Variants in TOX3 observed in about 807,000 individuals in gnomAD.
TOX3 encodes TOX high mobility group box family member 3, also known as CAG trinucleotide repeat-containing gene F9 protein.
Under a neutral mutation model 64.3 loss-of-function variants are expected in TOX3, and 22 were observed. The ratio of observed to expected loss-of-function variants is 0.34; its 90% CI spans 0.24 to 0.49. TOX3 has a LOEUF of 0.49. Ranked by LOEUF, TOX3 falls within the 20% of genes least tolerant of loss-of-function variation. The pLI is 0.99. For synonymous variants in TOX3, 291 were observed against 273.6 expected, an observed-to-expected ratio of 1.06 and a Z score of -0.63; for missense variants, 661 against 714.4, an observed-to-expected ratio of 0.93 and a Z score of 0.85.
At chr16:52,519,555 G>T in intron 1 of TOX3, 1 of 1,499,086 alleles carries the variant, frequency 6.7e-7, no homozygotes. Flanking sequence ...GCTGGATGGG[G>T]TTCAGTGAGA....
intron 1 of TOX3, 58 bp downstream of exon 1, chr16:52,546,579 C>T: frequency 2.0e-6 from 3 of 1,480,640 alleles, no homozygotes; most frequent in Non-Finnish European, 2.7e-6. Context: ...GAGCGCGGGG[C>T]GCGCCCAGGA....
intron 1 of TOX3, among the ~76,000 whole-genome samples, chr16:52,539,455 A>T (rs1264202572): frequency 6.6e-6 from 1 of 152,220 alleles, no homozygotes; most frequent in East Asian, 1.9e-4. Flanking sequence ...TGTTTATGTC[A>T]TTGTTTTTAA....
At chr16:52,502,180 T>C (rs183776205) in intron 1 of TOX3, among the ~76,000 whole-genome samples, 127 of 152,316 alleles carry the variant, frequency 8.3e-4, no homozygotes, top group African/African-American at 2.9e-3. Flanking sequence ...TTTGCCAGGC[T>C]GTATGCAGCA....
chr16:52,502,657 T>A (rs1962034503), intron 1 of TOX3, among the ~76,000 whole-genome samples: 1 of 152,160 alleles, frequency 6.6e-6, no homozygotes, highest in Non-Finnish European at 1.5e-5. Context: ...TTAACAAAAC[T>A]GAGAAAGCAG....
At chr16:52,480,339 A>C (rs962776779) in intron 1 of TOX3, among the ~76,000 whole-genome samples, 3 of 152,360 alleles carry the variant, frequency 2.0e-5, no homozygotes, top group Middle Eastern at 3.4e-3. Context: ...AAGTCATGTA[A>C]GATAAAATCT....
chr16:52,440,695 C>T (rs1959942489), intron 6 of TOX3, among the ~76,000 whole-genome samples: 1 of 149,922 alleles, frequency 6.7e-6, no homozygotes, highest in South Asian at 2.1e-4. Flanking sequence ...TTAATTTACT[C>T]ATCTGTTCCT....
intron 6 of TOX3, among the ~76,000 whole-genome samples, chr16:52,441,058 G>C (rs1016727021): frequency 6.6e-6 from 1 of 151,932 alleles, no homozygotes; most frequent in Admixed American, 6.6e-5. Context: ...CACTACCCCT[G>C]GCCAGGTTAT....
At chr16:52,510,012 A>G (rs1013953719) in intron 1 of TOX3, among the ~76,000 whole-genome samples, 40 of 152,192 alleles carry the variant, frequency 2.6e-4, no homozygotes, top group Admixed American at 1.4e-3. Context: ...GCTGGTAATA[A>G]TGAGGAGGGG....
chr16:52,494,552 C>T (rs1270438257), intron 1 of TOX3, among the ~76,000 whole-genome samples: 1 of 152,164 alleles, frequency 6.6e-6, no homozygotes, highest in African/African-American at 2.4e-5. Flanking sequence ...TTCTACTTTC[C>T]ATATCCTTTA....
intron 1 of TOX3, among the ~76,000 whole-genome samples, chr16:52,487,305 G>GA (rs10641032): frequency 0.51 from 71,591 of 141,432 alleles, 18,197 homozygotes; most frequent in East Asian, 0.74. Flanking sequence ...GAGTCAGATG[G>GA]AAAAAAAAAA....
intron 4 of TOX3, among the ~76,000 whole-genome samples, chr16:52,448,029 C>T (rs12597716): frequency 0.27 from 41,108 of 151,958 alleles, 6,293 homozygotes; most frequent in East Asian, 0.62. Flanking sequence ...ACCTTTGACG[C>T]CTTTCTTGGA....
intron 1 of TOX3, among the ~76,000 whole-genome samples, chr16:52,480,712 T>A (rs995449795): frequency 6.6e-6 from 1 of 152,182 alleles, no homozygotes; most frequent in Non-Finnish European, 1.5e-5. Flanking sequence ...CACCAAAACA[T>A]CAATGACTTC....
At chr16:52,448,739 A>C (rs924886452) in intron 4 of TOX3, among the ~76,000 whole-genome samples, 1 of 151,850 alleles carries the variant, frequency 6.6e-6, no homozygotes, top group Admixed American at 6.6e-5. Context: ...TCCTTGACTT[A>C]CTCCTTAATA....
At chr16:52,524,265 A>T (rs1021739519) in intron 1 of TOX3, among the ~76,000 whole-genome samples, 1 of 152,180 alleles carries the variant, frequency 6.6e-6, no homozygotes, top group Non-Finnish European at 1.5e-5. Context: ...AAATTTAATA[A>T]CTCACTGAAT....
chr16:52,490,810 G>A (rs1355003879), intron 1 of TOX3, among the ~76,000 whole-genome samples: 2 of 151,144 alleles, frequency 1.3e-5, no homozygotes, highest in East Asian at 3.9e-4. Context: ...TTTATTTTTT[G>A]TAGAGACAAG....
intron 1 of TOX3, among the ~76,000 whole-genome samples, chr16:52,504,988 C>T (rs12600239): frequency 0.25 from 38,132 of 151,980 alleles, 4,995 homozygotes; most frequent in East Asian, 0.41. Context: ...GCCCGCGCCA[C>T]CACGCCCGGC....
At chr16:52,529,231 T>A (rs537962922) in intron 1 of TOX3, among the ~76,000 whole-genome samples, 1 of 152,220 alleles carries the variant, frequency 6.6e-6, no homozygotes, top group Non-Finnish European at 1.5e-5. Flanking sequence ...TAGGGGGAAA[T>A]ATCCCATAAG....
chr16:52,505,040 G>A (rs1428776630), intron 1 of TOX3, among the ~76,000 whole-genome samples: 7 of 152,184 alleles, frequency 4.6e-5, no homozygotes, highest in African/African-American at 1.7e-4. Context: ...CACCATGTTG[G>A]CCAGGCTGGT....
At chr16:52,453,252 C>T (rs1376565296) in intron 3 of TOX3, among the ~76,000 whole-genome samples, 3 of 150,054 alleles carry the variant, frequency 2.0e-5, no homozygotes, top group Admixed American at 6.6e-5. Context: ...GGTGCCATCT[C>T]GGCTCACTGC....
Sources: allele counts gnomAD v4.1 joint callset (sites outside exome capture counted in the v4.1 genomes callset), GRCh38; gene constraint gnomAD v4.1.1; transcripts MANE v1.5; gene names NCBI Gene and HGNC (gene_info 2026-07-23, HGNC 2026-07-21).